Variants in SIPA1L1 observed in about 807,000 individuals in gnomAD.
SIPA1L1 encodes the protein signal induced proliferation associated 1 like 1.
Under a neutral mutation model 162.7 loss-of-function variants are expected in SIPA1L1, and 26 were observed. The observed-to-expected ratio is 0.16, with a 90% confidence interval of 0.12 to 0.22. The LOEUF is 0.22. Ranked by LOEUF, SIPA1L1 falls within the 10% of genes least tolerant of loss-of-function variation. The pLI is 1.00. For missense variants in SIPA1L1, 1,874 were observed against 2,241.0 expected (o/e 0.84, Z 3.31); for synonymous variants, 829 against 837.4 (o/e 0.99, Z 0.17).
chr14:71,633,363 G>T (rs1233264879), intron 7 of SIPA1L1, among the ~76,000 whole-genome samples: 1 of 151,984 alleles, frequency 6.6e-6, no homozygotes. Flanking sequence ...TAGTAGAGAC[G>T]GGGTTTCACC....
intron 2 of SIPA1L1, among the ~76,000 whole-genome samples, chr14:71,416,745 A>ACACC (rs1238026148): frequency 6.8e-6 from 1 of 147,300 alleles, no homozygotes; most frequent in Non-Finnish European, 1.5e-5. Context: ...ACACACACAC[A>ACACC]CACACACGCA....
At chr14:71,623,688 G>T (rs887462352) in intron 6 of SIPA1L1, among the ~76,000 whole-genome samples, 1 of 152,100 alleles carries the variant, frequency 6.6e-6, no homozygotes, top group African/African-American at 2.4e-5. Flanking sequence ...TTGCTCTGGG[G>T]TTCTGCCTTC....
chr14:71,616,265 A>T (rs754946093), intron 5 of SIPA1L1, among the ~76,000 whole-genome samples: 4 of 152,182 alleles, frequency 2.6e-5, no homozygotes, highest in Non-Finnish European at 4.4e-5. Flanking sequence ...GCTAGATGTT[A>T]TGGAGAGTTT....
At chr14:71,508,003 T>C (rs2050814575) in intron 2 of SIPA1L1, among the ~76,000 whole-genome samples, 2 of 152,272 alleles carry the variant, frequency 1.3e-5, no homozygotes, top group South Asian at 4.1e-4. Flanking sequence ...AGTGGGACGA[T>C]AGAGGGTAAC....
rs534802096 is a variant in SIPA1L1 at position 71,700,342 on chromosome 14, G to A, written c.3521+1215G>A. Among the ~76,000 whole-genome samples the A allele has an allele frequency of 2.3e-4, 35 of 152,074 alleles. 1 individual carries two copies. The highest frequency in any genetic ancestry group is 1.6e-3 in the Admixed American group (24 of 15,288). ...GGAGGCTGGGAATTTGAGTCCAGCCGGACAACATAGCCTGTCTCTTAAAAA... is the reference window on the plus strand; with the variant it reads ...GGAGGCTGGGAATTTGAGTCCAGCCAGACAACATAGCCTGTCTCTTAAAAA... On this transcript the variant is annotated intron_variant, in intron 14 of 23. Coordinates refer to ENST00000381232, the MANE Select transcript of SIPA1L1 (RefSeq NM_001386936.1).
intron 8 of SIPA1L1, among the ~76,000 whole-genome samples, chr14:71,656,086 C>T (rs1296029769): frequency 1.3e-5 from 2 of 152,136 alleles, no homozygotes; most frequent in Non-Finnish European, 2.9e-5. Flanking sequence ...ATCTCTGAAA[C>T]TTCTGAAACT....
chr14:71,409,919 G>T (rs1188002023), intron 2 of SIPA1L1, among the ~76,000 whole-genome samples: 1 of 152,124 alleles, frequency 6.6e-6, no homozygotes, highest in Non-Finnish European at 1.5e-5. Flanking sequence ...AGGTTTACGG[G>T]GCTTGCTTTT....
At chr14:71,557,316 G>C (rs778899869) in intron 4 of SIPA1L1, among the ~76,000 whole-genome samples, 1 of 152,032 alleles carries the variant, frequency 6.6e-6, no homozygotes, top group Non-Finnish European at 1.5e-5. Flanking sequence ...TCTTTCATTA[G>C]TTTTGCTCAT....
At chr14:71,398,987 TTTAA>T (rs1204024309) in intron 2 of SIPA1L1, among the ~76,000 whole-genome samples, 2 of 152,244 alleles carry the variant, frequency 1.3e-5, no homozygotes, top group South Asian at 4.1e-4. Flanking sequence ...ATAATTGCAC[TTTAA>T]TTAAAATCTA....
At chr14:71,547,207 G>A (rs1283982955) in intron 4 of SIPA1L1, among the ~76,000 whole-genome samples, 1 of 149,466 alleles carries the variant, frequency 6.7e-6, no homozygotes, top group African/African-American at 2.5e-5. Flanking sequence ...TGAACTAATT[G>A]AATAACTTTT....
At chr14:71,553,289 A>G (rs1020505252) in intron 4 of SIPA1L1, among the ~76,000 whole-genome samples, 24 of 152,226 alleles carry the variant, frequency 1.6e-4, no homozygotes, top group African/African-American at 5.5e-4. Flanking sequence ...GTATGTTTCT[A>G]TAATTCCACA....
chr14:71,481,735 G>T (rs2048367299), intron 2 of SIPA1L1, among the ~76,000 whole-genome samples: 1 of 152,160 alleles, frequency 6.6e-6, no homozygotes, highest in Admixed American at 6.5e-5. Flanking sequence ...AAATTAGTGA[G>T]GGGGAAACTA....
At chr14:71,715,558 C>T (rs904630731) in intron 17 of SIPA1L1, among the ~76,000 whole-genome samples, 1 of 152,224 alleles carries the variant, frequency 6.6e-6, no homozygotes, top group East Asian at 1.9e-4. Flanking sequence ...AGCCTAGTAC[C>T]ACCAAACCAA....
intron 2 of SIPA1L1, among the ~76,000 whole-genome samples, chr14:71,399,254 G>A (rs912380460): frequency 1.3e-5 from 2 of 152,172 alleles, no homozygotes; most frequent in African/African-American, 4.8e-5. Flanking sequence ...GGAAGAGGGA[G>A]GCAGTTGATG....
chr14:71,544,187 A>C (rs973455243), intron 4 of SIPA1L1, among the ~76,000 whole-genome samples: 4 of 151,050 alleles, frequency 2.6e-5, no homozygotes, highest in Non-Finnish European at 5.9e-5. Context: ...GTGTGTGTAT[A>C]TATACATATG....
chr14:71,471,790 T>A (rs1280680982), intron 2 of SIPA1L1, among the ~76,000 whole-genome samples: 1 of 152,160 alleles, frequency 6.6e-6, no homozygotes. Context: ...TTGGGAGAGA[T>A]GTTATCTAGA....
chr14:71,620,328 C>G (rs1567328640), intron 6 of SIPA1L1, among the ~76,000 whole-genome samples: 1 of 152,240 alleles, frequency 6.6e-6, no homozygotes, highest in African/African-American at 2.4e-5. Flanking sequence ...CTCGGCCTCC[C>G]AAAGTGCTGG....
chr14:71,321,568 C>A (rs2032968661), intron 2 of SIPA1L1: 1 of 152,270 alleles, frequency 6.6e-6, no homozygotes, highest in African/African-American at 2.4e-5. Context: ...GTAGGCAGGC[C>A]GAGTTGGTTG....
At chr14:71,389,622 A>G (rs1366111510) in intron 2 of SIPA1L1, among the ~76,000 whole-genome samples, 2 of 152,162 alleles carry the variant, frequency 1.3e-5, no homozygotes, top group African/African-American at 4.8e-5. Context: ...GACAAGTGAG[A>G]TGTTTCATAT....
Sources: gnomAD v4.1 joint callset for allele counts (sites outside exome capture counted in the v4.1 genomes callset) on GRCh38, gnomAD v4.1.1 for gene constraint, MANE v1.5 for transcripts, NCBI Gene and HGNC (gene_info 2026-07-23, HGNC 2026-07-21) for gene names.